Variants in IPO7 observed in about 807,000 individuals in gnomAD.
The protein encoded by IPO7 is importin 7.
A neutral mutation model predicts 136.4 loss-of-function variants in IPO7; 13 were observed. That is an observed-to-expected ratio of 0.10 (90% CI 0.06 to 0.15). IPO7 has a LOEUF of 0.15. Among genes scored for constraint, IPO7 ranks in the 10% least tolerant of loss-of-function variants. The pLI is 1.00. For missense variants in IPO7, 857 were observed against 1,240.6 expected, an observed-to-expected ratio of 0.69 and a Z score of 4.65; for synonymous variants, 403 against 404.4, an observed-to-expected ratio of 1.00 and a Z score of 0.04.
chr11:9,406,890 T>A (rs941546056), intron 2 of IPO7, among the ~76,000 whole-genome samples: 1 of 151,870 alleles, frequency 6.6e-6, no homozygotes, highest in Non-Finnish European at 1.5e-5. Flanking sequence ...GAAAAAAAAA[T>A]TATGTTCTTG....
chr11:9,428,622 GA>G lies in IPO7; in HGVS notation c.1419del (p.Ala474GlnfsTer13). On this transcript the variant is annotated frameshift_variant, in exon 13 of 25. Transcript: ENST00000379719. LOFTEE classifies it high-confidence loss of function. ...TTCAGCAGTGAACTAGGCTACATGA[GA>G]GCAAGGGTATGTTTTAAAGCTGCAT... ...PLFSSELGYM[R>X]ARACWVLHYF... 1 of 1,538,092 alleles carries G rather than the reference GA, an allele frequency of 6.5e-7. No homozygotes were observed. Among genetic ancestry groups the G allele is most frequent in the Non-Finnish European group, 9.0e-7 (1 of 1,113,902 alleles).
At chr11:9,414,576 C>A in intron 5 of IPO7, 165 bp downstream of exon 5, 4 of 287,668 alleles carry the variant, frequency 1.4e-5, no homozygotes, top group East Asian at 6.9e-5. Context: ...TAAGTCTAAA[C>A]AAGCATACTT....
chr11:9,406,102 G>GTTTTT (rs1360656618), intron 2 of IPO7, among the ~76,000 whole-genome samples: 2 of 63,888 alleles, frequency 3.1e-5, no homozygotes, highest in African/African-American at 1.1e-4. Context: ...GCTGAGGCTG[G>GTTTTT]TCTTTTTTTT....
At chr11:9,421,680 C>T (rs1855131982) in intron 8 of IPO7, among the ~76,000 whole-genome samples, 1 of 134,666 alleles carries the variant, frequency 7.4e-6, no homozygotes, top group Non-Finnish European at 1.6e-5. Context: ...CGCAGTTGCT[C>T]ACGCCTGTAA....
intron 9 of IPO7, among the ~76,000 whole-genome samples, 178 bp from the exon 10 acceptor site, chr11:9,423,599 A>G (rs1855164126): frequency 6.6e-6 from 1 of 152,186 alleles, no homozygotes; most frequent in Non-Finnish European, 1.5e-5. Flanking sequence ...CTTGTTACAG[A>G]AAGGGGAAGT....
chr11:9,397,341 A>AAAAAAAAAAATATATATATATATATATAT, intron 1 of IPO7, among the ~76,000 whole-genome samples: 5 of 10,760 alleles, frequency 4.6e-4, no homozygotes, highest in Non-Finnish European at 5.5e-4. Flanking sequence ...TTTAAAAAAA[A>AAAAAAAAAAATATATATATATATATATAT]ATATATATAT....
chr11:9,424,551 C>T (rs1855176907), intron 10 of IPO7, among the ~76,000 whole-genome samples: 1 of 152,140 alleles, frequency 6.6e-6, no homozygotes, highest in Non-Finnish European at 1.5e-5. Flanking sequence ...TGAGACCAGC[C>T]TGACCAATAT....
chr11:9,436,278 C>T lies in IPO7; in HGVS notation c.2180C>T (p.Thr727Ile), dbSNP rs777295284. 6.2e-7 allele frequency: 1 copy of T among 1,611,108 alleles called. No homozygotes were observed. The highest frequency in any genetic ancestry group is 8.5e-7 in the Non-Finnish European group (1 of 1,177,290). The change falls in exon 20 of 25, where the codon ACA becomes ATA. Residue 727 changes from threonine to isoleucine, a missense_variant. Physicochemically the swap from Thr to Ile is moderately conservative, Grantham distance 89. This residue lies in a region of IPO7 where 190 missense variants were observed against 249.0 expected (regional missense o/e 0.76). Coordinates refer to ENST00000379719, the MANE Select transcript of IPO7 (RefSeq NM_006391.3). The stretch of plus-strand genomic sequence containing the variant: ...ATATTCTGTTTTGATCAGGTTCTTA[C>T]AGGAGTTGCAGGAGAAGATGCAGAG... Reference protein sequence around the residue: ...MIYSMCKKVLTGVAGEDAECH... With the variant: ...MIYSMCKKVLIGVAGEDAECH...
intron 12 of IPO7, among the ~76,000 whole-genome samples, chr11:9,426,528 A>G (rs555729869): frequency 3.6e-4 from 55 of 152,228 alleles, no homozygotes; most frequent in African/African-American, 1.3e-3. Context: ...ACCTAGGAGT[A>G]TGAATTGCTT....
At chr11:9,399,166 C>CT (rs1209158342) in intron 1 of IPO7, among the ~76,000 whole-genome samples, 1,367 of 134,030 alleles carry the variant, frequency 0.01, 11 homozygotes, top group African/African-American at 0.026. Flanking sequence ...AAAATGGATG[C>CT]TTTTTTTTTT....
chr11:9,395,676 A>G (rs1285176714), intron 1 of IPO7, among the ~76,000 whole-genome samples: 1 of 152,150 alleles, frequency 6.6e-6, no homozygotes, highest in Non-Finnish European at 1.5e-5. Flanking sequence ...ACAGAAATAT[A>G]CTTTCTTATT....
chr11:9,434,682 A>G (rs1314692174), intron 18 of IPO7, among the ~76,000 whole-genome samples: 1 of 152,166 alleles, frequency 6.6e-6, no homozygotes, highest in Non-Finnish European at 1.5e-5. Flanking sequence ...AGTCCCAGCT[A>G]CCTGGGTGGC....
rs768361025 is a variant in IPO7 at position 9,437,869 on chromosome 11, A to G, written c.2384A>G (p.His795Arg). The stretch of plus-strand genomic sequence containing the variant: ...ATTGCAGCTTTGTATTATAATCCAC[A>G]CCTACTACTCAATACCTTAGAAAAT... ...VAIAALYYNP[H>R]LLLNTLENLR... The change falls in exon 21 of 25, where the codon CAC becomes CGC. Residue 795 changes from histidine (H) to arginine (R), a missense_variant. By Grantham distance (29) the His-to-Arg change is conservative. Coordinates refer to ENST00000379719, the MANE Select transcript of IPO7 (RefSeq NM_006391.3). The G allele has an allele frequency of 6.2e-7, 1 of 1,613,662 alleles. No individual in the cohort carries two copies. The highest frequency in any genetic ancestry group is 1.1e-5 in the South Asian group (1 of 91,070).
intron 15 of IPO7, 134 bp downstream of exon 15, chr11:9,429,968 G>A (rs997871393): frequency 2.2e-5 from 13 of 596,114 alleles, no homozygotes; most frequent in Admixed American, 3.6e-5. Flanking sequence ...TTTCATGGAA[G>A]ATAATTTTTC....
Position 9,434,959 on chromosome 11 carries a change from T to C in IPO7, c.2100T>C (p.Tyr700=), listed in dbSNP as rs148344816. The change falls in exon 19 of 25, where the codon TAT becomes TAC. Residue 700 remains tyrosine (Y), a synonymous_variant. Coordinates refer to ENST00000379719, the MANE Select transcript of IPO7 (RefSeq NM_006391.3). ...FTDMMPLLHN[Y]VTVDTDTLLS... is the part of the protein sequence containing the mutation. The stretch of plus-strand genomic sequence containing the variant: ...ATATGATGCCCCTCCTTCATAATTA[T>C]GTAACAGTTGATACAGACACACTTC... 2.3e-4 allele frequency: 362 copies of C among 1,600,376 alleles called. No individual in the cohort carries two copies. The African/African-American group carries it at 4.3e-3, about 19-fold the overall frequency.
chr11:9,419,666 C>A (rs1288998998), intron 6 of IPO7, among the ~76,000 whole-genome samples: 1 of 147,614 alleles, frequency 6.8e-6, no homozygotes, highest in Non-Finnish European at 1.5e-5. Flanking sequence ...TTTTATGGAT[C>A]TTCCATAATT....
chr11:9,446,379 A>G lies in IPO7; in HGVS notation c.*1185A>G, dbSNP rs1375923481. On this transcript the variant is annotated 3_prime_UTR_variant, in exon 25 of 25. Coordinates refer to ENST00000379719, the MANE Select transcript of IPO7 (RefSeq NM_006391.3). Reference sequence around the variant, plus strand: ...CCACTCCCCTTTCCCCATCTCTTCTACCGCTCTTGTTGATCGTGGTATCTG... The same window carrying G: ...CCACTCCCCTTTCCCCATCTCTTCTGCCGCTCTTGTTGATCGTGGTATCTG... 6.6e-6 allele frequency: 1 copy of G among 152,140 alleles called. No individual in the cohort carries two copies. The highest frequency in any genetic ancestry group is 2.4e-5 in the African/African-American group (1 of 41,438). 9.4% of individuals were successfully genotyped at this position (152,140 alleles called of 1,614,324 possible). A position where few individuals can be genotyped will look rare whatever the true frequency, so the allele number is the denominator to read the frequency against.
chr11:9,425,191 C>G lies in IPO7; in HGVS notation c.1264C>G (p.Pro422Ala), dbSNP rs202115781. ...ATTTTGTTACCAGATTCTTACAGAA[C>G]CAAATGCTGACCCTCGAAAAAAAGA... ...MGFCYQILTE[P>A]NADPRKKDGA... The change falls in exon 12 of 25, where the codon CCA becomes GCA. Residue 422 changes from proline to alanine, a missense_variant. Pro to Ala is a conservative substitution (Grantham distance 27, BLOSUM62 -1). This residue lies in a region of IPO7 where 127 missense variants were observed against 222.4 expected (regional missense o/e 0.57). Transcript: ENST00000379719. 33 of 1,611,984 alleles carry G rather than the reference C, an allele frequency of 2.0e-5. No homozygotes were observed. In the African/African-American group the frequency reaches 3.1e-4, roughly 15 times the overall value.
In IPO7 at chr11:9,392,171, C is replaced by CTTTTTT. The variant is rs59866244; in HGVS notation, c.84+7342_84+7347dup. On this transcript the variant is annotated intron_variant, in intron 1 of 24. Coordinates refer to ENST00000379719, the MANE Select transcript of IPO7 (RefSeq NM_006391.3). ...ATGTCATATTTGCCTTTGTCAAATT[C>CTTTTTT]TTTTTTTTTTTTTTTTTTTTTTTGA... 2.7e-3 allele frequency: 503 copies of CTTTTTT among 185,080 alleles called. 4 individuals are homozygous for CTTTTTT. Among genetic ancestry groups the CTTTTTT allele is most frequent in the South Asian group, 7.1e-3 (170 of 24,038 alleles). 11.5% of individuals were successfully genotyped at this position (185,080 alleles called of 1,614,324 possible).
Sources: gnomAD v4.1 joint callset for allele counts (sites outside exome capture counted in the v4.1 genomes callset) on GRCh38, gnomAD v4.1.1 for gene constraint, gnomAD v4.1.1 regional missense constraint, MANE v1.5 for transcripts, NCBI Gene and HGNC (gene_info 2026-07-23, HGNC 2026-07-21) for gene names.